Variants in CEP83 observed in about 807,000 individuals in gnomAD.
The protein encoded by CEP83 is centrosomal protein 83, also known as centrosomal protein of 83 kDa.
CEP83 carries 70 observed loss-of-function variants against 101.9 expected under a neutral mutation model. The ratio of observed to expected loss-of-function variants is 0.69; its 90% CI spans 0.57 to 0.84. The LOEUF is 0.84. CEP83 is among the 40% of genes least tolerant of loss of function. The pLI, the probability that CEP83 is intolerant of heterozygous loss-of-function variation, is 0.00. For missense variants in CEP83, 715 were observed against 787.2 expected (o/e 0.91, Z 1.10); for synonymous variants, 264 against 267.9 (o/e 0.99, Z 0.14).
rs541288544 is a variant in CEP83 at position 94,354,326 on chromosome 12, CA to C, written c.1343+13467del. On this transcript the variant is annotated intron_variant, in intron 11 of 16. Coordinates refer to ENST00000397809, the MANE Select transcript of CEP83 (RefSeq NM_016122.3). ...CCTCTCGAGTAGCGGGGATTACTGTCACGCACCACCAAACCCAATCAATTTT... is the reference window on the plus strand; with the variant it reads ...CCTCTCGAGTAGCGGGGATTACTGTCCGCACCACCAAACCCAATCAATTTT... Among the ~76,000 whole-genome samples the C allele has an allele frequency of 4.3e-4, 66 of 152,012 alleles. No individual in the cohort carries two copies. In the South Asian group the frequency reaches 0.014, roughly 32 times the overall value.
intron 11 of CEP83, among the ~76,000 whole-genome samples, chr12:94,355,325 C>A (rs1421200638): frequency 1.3e-5 from 2 of 152,000 alleles, no homozygotes; most frequent in Admixed American, 6.5e-5. Context: ...AACCCCATCT[C>A]TACTAAAAAT....
chr12:94,268,588 C>CTTTTTTTT, the CEP83 span, among the ~76,000 whole-genome samples: 1,605 of 90,804 alleles, frequency 0.018, 39 homozygotes, highest in East Asian at 0.028. Flanking sequence ...AGAATAAGAC[C>CTTTTTTTT]TTTTTTTTTT....
At chr12:94,451,195 A>G (rs1365827952) in intron 1 of CEP83, among the ~76,000 whole-genome samples, 2 of 152,190 alleles carry the variant, frequency 1.3e-5, no homozygotes, top group Admixed American at 6.5e-5. Flanking sequence ...TATTTAAAGG[A>G]AAGAGCTCAA....
At chr12:94,322,477 G>A (rs894329640) in intron 14 of CEP83, among the ~76,000 whole-genome samples, 3 of 152,150 alleles carry the variant, frequency 2.0e-5, no homozygotes, top group Non-Finnish European at 4.4e-5. Flanking sequence ...GGTACCTCGA[G>A]AACAGTTGCT....
the CEP83 span, among the ~76,000 whole-genome samples, chr12:94,284,503 T>C: frequency 8.2e-3 from 1,251 of 152,184 alleles, 10 homozygotes; most frequent in African/African-American, 0.027. Context: ...TTTCAGATGT[T>C]TTTCACTGTT....
In CEP83 at chr12:94,376,145, T is replaced by C. The variant is rs2061523989; in HGVS notation, c.802-128A>G. Reference sequence around the variant, plus strand: ...AAAACCTCAACTTAACATATACCAATGTAACAAAAATTTTCTCAAACTAAT... The same window carrying C: ...AAAACCTCAACTTAACATATACCAACGTAACAAAAATTTTCTCAAACTAAT... On this transcript the variant is annotated intron_variant, in intron 7 of 16. Transcript: ENST00000397809. The C allele has an allele frequency of 2.9e-5, 15 of 525,082 alleles. No homozygotes were observed. The East Asian group carries it at 5.6e-4, about 20-fold the overall frequency. The allele number at this position is 525,082 out of a possible 1,614,324, so 32.5% of individuals were successfully genotyped here.
intron 6 of CEP83, among the ~76,000 whole-genome samples, chr12:94,395,660 A>G (rs916973205): frequency 1.3e-5 from 2 of 151,992 alleles, no homozygotes; most frequent in Non-Finnish European, 2.9e-5. Context: ...CGTCTCTACT[A>G]AAAACACAAA....
chr12:94,441,232 A>T (rs2066374725), intron 1 of CEP83, among the ~76,000 whole-genome samples: 1 of 152,260 alleles, frequency 6.6e-6, no homozygotes, highest in Non-Finnish European at 1.5e-5. Flanking sequence ...CAGAGTGAAC[A>T]GGCAACCCAC....
Position 94,331,386 on chromosome 12 carries a change from C to A in CEP83, c.1707+314G>T, listed in dbSNP as rs181636573. On this transcript the variant is annotated intron_variant, in intron 14 of 16. Coordinates refer to ENST00000397809, the MANE Select transcript of CEP83 (RefSeq NM_016122.3). ...TTTTTTTTTTTTTTTTTTTTTTTTG[C>A]GACAGAGTCTTGCTCTGTCACCCAG... Among the ~76,000 whole-genome samples the A allele has an allele frequency of 5.7e-3, 77 of 13,458 alleles. 1 individual carries two copies. In the East Asian group the frequency reaches 0.11, roughly 19 times the overall value. The allele number at this position is 13,458 out of a possible 152,430, so 8.8% of individuals were successfully genotyped here.
At chr12:94,357,040 A>C (rs2060510454) in intron 11 of CEP83, among the ~76,000 whole-genome samples, 2 of 152,218 alleles carry the variant, frequency 1.3e-5, no homozygotes, top group African/African-American at 4.8e-5. Flanking sequence ...AACAGGGACC[A>C]AGGGAACCAT....
rs77664579 is a variant in CEP83 at position 94,333,124 on chromosome 12, T to C, written c.1577+358A>G. On this transcript the variant is annotated intron_variant, in intron 13 of 16. Transcript: ENST00000397809. ...TAGTTCTAATTCAAGGAATTAAGTT[T>C]TGCACATCAAAAACAAAACAAAAAA... Among the ~76,000 whole-genome samples the C allele has an allele frequency of 8.6e-3, 1,307 of 151,628 alleles. 20 individuals carry two copies. The highest frequency in any genetic ancestry group is 0.03 in the African/African-American group (1,260 of 41,462).
rs185072897 is a variant in CEP83 at position 94,362,347 on chromosome 12, C to T, written c.1343+5447G>A. Among the ~76,000 whole-genome samples, 131 of 152,164 alleles carry T rather than the reference C, an allele frequency of 8.6e-4. 1 individual carries two copies. In the East Asian group the frequency reaches 0.022, roughly 25 times the overall value. ...AAAAAAACTAACAACAGGCCAAGTG[C>T]GGTGGCTCACGCTTATAATCTCAGT... On this transcript the variant is annotated intron_variant, in intron 11 of 16. Coordinates refer to ENST00000397809, the MANE Select transcript of CEP83 (RefSeq NM_016122.3).
rs1003109512 is a variant in CEP83, at chr12:94,435,274, C to A, written c.-102+1G>T. 1 of 152,234 alleles carries A rather than the reference C, an allele frequency of 6.6e-6. No homozygotes were observed. The highest frequency in any genetic ancestry group is 1.5e-5 in the Non-Finnish European group (1 of 68,056). 9.4% of individuals were successfully genotyped at this position (152,234 alleles called of 1,614,324 possible). ...AGCAGAAGCAAGAAGGTTTATCTCACCTTCCTCTAAAGTAGGTCATAAGAT... is the reference window on the plus strand; with the variant it reads ...AGCAGAAGCAAGAAGGTTTATCTCAACTTCCTCTAAAGTAGGTCATAAGAT... On this transcript the variant is annotated splice_donor_variant, in intron 2 of 16. Coordinates refer to ENST00000397809, the MANE Select transcript of CEP83 (RefSeq NM_016122.3). LOFTEE classifies it low-confidence loss of function (5UTR_SPLICE).
At chr12:94,390,515 G>A (rs1048772852) in intron 6 of CEP83, among the ~76,000 whole-genome samples, 1 of 152,158 alleles carries the variant, frequency 6.6e-6, no homozygotes, top group African/African-American at 2.4e-5. Context: ...CAAAAAGATG[G>A]GGAGAAACCA....
chr12:94,298,873 A>G, the CEP83 span: 1 of 1,351,074 alleles, frequency 7.4e-7, no homozygotes. Context: ...ATAGATAGTT[A>G]TAGAAGGATT....
At chr12:94,424,637 T>G (rs2065042083) in intron 2 of CEP83, 1 of 1,613,796 alleles carries the variant, frequency 6.2e-7, no homozygotes, top group Non-Finnish European at 8.5e-7. Context: ...TACAGCTTTC[T>G]GTGCTGCTGA....
intron 14 of CEP83, among the ~76,000 whole-genome samples, chr12:94,316,601 G>T (rs1970726860): frequency 6.7e-6 from 1 of 149,502 alleles, no homozygotes; most frequent in Non-Finnish European, 1.5e-5. Context: ...GTAGGCCCCA[G>T]TATCTGTTGC....
chr12:94,381,201 T>C (rs1593562581), intron 6 of CEP83, among the ~76,000 whole-genome samples: 1 of 152,176 alleles, frequency 6.6e-6, no homozygotes, highest in Admixed American at 6.5e-5. Context: ...GGCACAGATC[T>C]TGGATACAGC....
At chr12:94,460,245 C>T (rs758395708), upstream of CEP83, 1 of 152,698 alleles carries the variant, frequency 6.5e-6, no homozygotes, top group Non-Finnish European at 1.5e-5. Context: ...AAGCCGGTCT[C>T]CCTAGCCTCC....
Sources: allele counts gnomAD v4.1 joint callset (sites outside exome capture counted in the v4.1 genomes callset), GRCh38; gene constraint gnomAD v4.1.1; transcripts MANE v1.5; gene names NCBI Gene and HGNC (gene_info 2026-07-23, HGNC 2026-07-21).